The following SMAGP variants were observed in gnomAD, a reference collection of about 807,000 sequenced individuals.
The protein encoded by SMAGP is small cell transmembrane and glycosylated protein.
In SMAGP, 7 loss-of-function variants were observed where a neutral mutation model predicts 10.1. The ratio of observed to expected loss-of-function variants is 0.70; its 90% confidence interval spans 0.40 to 1.31. The LOEUF is 1.31. Among genes scored for constraint, SMAGP ranks in the 50% most tolerant of loss-of-function variants. The pLI is 0.01. For synonymous variants in SMAGP, 49 were observed against 47.2 expected (o/e 1.04, Z -0.16); for missense variants, 113 against 116.5 (o/e 0.97, Z 0.14).
At chr12:51,254,552 A>AG in intron 2 of SMAGP, among the ~76,000 whole-genome samples, 1 of 152,164 alleles carries the variant, frequency 6.6e-6, no homozygotes, top group East Asian at 2.0e-4. Flanking sequence ...ATCTAAAAAA[A>AG]AAAGTAAAAA....
At chr12:51,261,846 T>G (rs2137307821) in intron 2 of SMAGP, among the ~76,000 whole-genome samples, 1 of 151,602 alleles carries the variant, frequency 6.6e-6, no homozygotes, top group African/African-American at 2.4e-5. Flanking sequence ...GAATATGAGA[T>G]CTACAATATT....
chr12:51,248,900 CA>C (rs545881552), intron 2 of SMAGP, among the ~76,000 whole-genome samples: 3,103 of 94,298 alleles, frequency 0.033, 11 homozygotes, highest in Non-Finnish European at 0.04. Flanking sequence ...AAAAATACCA[CA>C]AAAAAAAAAA....
In SMAGP at chr12:51,245,831, G is replaced by T; in HGVS notation, c.*110C>A. 2 of 1,277,620 alleles carry T rather than the reference G, an allele frequency of 1.6e-6. No individual in the cohort carries two copies. The highest frequency in any genetic ancestry group is 2.1e-6 in the Non-Finnish European group (2 of 930,686). 79.1% of individuals were successfully genotyped at this position (1,277,620 alleles called of 1,614,324 possible). On this transcript the variant is annotated 3_prime_UTR_variant, in exon 4 of 4. Transcript: ENST00000603798. ...TGCGACCTGGCTGGAGCTTGGATTTGCCCACATCAATCAATGCTTCTCCCT... is the reference window on the plus strand; with the variant it reads ...TGCGACCTGGCTGGAGCTTGGATTTTCCCACATCAATCAATGCTTCTCCCT...
intron 2 of SMAGP, among the ~76,000 whole-genome samples, chr12:51,268,797 G>A (rs956026368): frequency 1.3e-5 from 2 of 151,882 alleles, no homozygotes; most frequent in African/African-American, 4.8e-5. Context: ...TGTTGGCCAG[G>A]CTGGTCTCAA....
intron 2 of SMAGP, among the ~76,000 whole-genome samples, chr12:51,249,913 C>T (rs941923699): frequency 1.3e-5 from 2 of 151,882 alleles, no homozygotes; most frequent in East Asian, 1.9e-4. Flanking sequence ...CACTGTGCCT[C>T]GCCTATACAT....
chr12:51,245,711 A>C lies in SMAGP; in HGVS notation c.*230T>G. ...GCCACATCTTGTTGGCCAGTCACAA[A>C]CACCAGCTCTAGTAAGAGGGCCTGG... On this transcript the variant is annotated 3_prime_UTR_variant, in exon 4 of 4. Coordinates refer to ENST00000603798, the MANE Select transcript of SMAGP (RefSeq NM_001031628.2). 2 of 482,048 alleles carry C rather than the reference A, an allele frequency of 4.1e-6. No individual in the cohort carries two copies. The highest frequency in any genetic ancestry group is 7.5e-6 in the Non-Finnish European group (2 of 268,142). The allele number at this position is 482,048 out of a possible 1,614,324, so 29.9% of individuals were successfully genotyped here.
At chr12:51,264,298 GAGACT>G (rs1443835786) in intron 2 of SMAGP, among the ~76,000 whole-genome samples, 6 of 152,162 alleles carry the variant, frequency 3.9e-5, no homozygotes, top group Non-Finnish European at 8.8e-5. Context: ...CAGTGGATAG[GAGACT>G]GTCCTAAATC....
intron 3 of SMAGP, 160 bp downstream of exon 3, chr12:51,246,591 G>T (rs1163279523): frequency 1.6e-5 from 8 of 510,290 alleles, no homozygotes; most frequent in Non-Finnish European, 2.6e-5. Context: ...AGAAGCCTCC[G>T]AGTCTTTTAT....
At position 51,245,697 on chromosome 12, in the gene SMAGP, T is replaced by A. The variant is rs1944758782; in HGVS notation, c.*244A>T. ...TGTCCCCTGGCATAGCCACATCTTG[T>A]TGGCCAGTCACAAACACCAGCTCTA... On this transcript the variant is annotated 3_prime_UTR_variant, in exon 4 of 4. Transcript: ENST00000603798. 2 of 464,114 alleles carry A rather than the reference T, an allele frequency of 4.3e-6. No homozygotes were observed. The highest frequency in any genetic ancestry group is 7.8e-6 in the Non-Finnish European group (2 of 256,566). 28.7% of individuals were successfully genotyped at this position (464,114 alleles called of 1,614,324 possible).
At chr12:51,266,993 G>A (rs1337831956) in intron 2 of SMAGP, among the ~76,000 whole-genome samples, 1 of 152,154 alleles carries the variant, frequency 6.6e-6, no homozygotes, top group Non-Finnish European at 1.5e-5. Flanking sequence ...GCGCACGCCT[G>A]TAATTCCAGC....
At chr12:51,256,790 T>TAC (rs146697645) in intron 2 of SMAGP, among the ~76,000 whole-genome samples, 4 of 147,286 alleles carry the variant, frequency 2.7e-5, no homozygotes, top group Non-Finnish European at 6.0e-5. Context: ...AAAAAAGATA[T>TAC]ATATATATAT....
At chr12:51,257,202 G>A (rs564998913) in intron 2 of SMAGP, among the ~76,000 whole-genome samples, 18 of 152,318 alleles carry the variant, frequency 1.2e-4, no homozygotes, top group African/African-American at 4.3e-4. Flanking sequence ...GAATGACCCA[G>A]ATGAGAGGCA....
intron 2 of SMAGP, among the ~76,000 whole-genome samples, chr12:51,260,213 T>C (rs921014911): frequency 1.4e-5 from 2 of 146,912 alleles, no homozygotes; most frequent in Non-Finnish European, 3.0e-5. Flanking sequence ...TTTCTTTTTT[T>C]TTTTTTTTTT....
At chr12:51,246,567 G>A in intron 3 of SMAGP, 184 bp downstream of exon 3, 1 of 478,500 alleles carries the variant, frequency 2.1e-6, no homozygotes, top group Non-Finnish European at 3.6e-6. Flanking sequence ...TCATTTACTG[G>A]TAGTGCCTCT....
At chr12:51,247,732 C>T (rs969609287) in intron 2 of SMAGP, among the ~76,000 whole-genome samples, 1 of 152,190 alleles carries the variant, frequency 6.6e-6, no homozygotes, top group Non-Finnish European at 1.5e-5. Flanking sequence ...ACCTGACTGG[C>T]ATCCCATAAA....
chr12:51,262,585 T>C (rs1315003368), intron 2 of SMAGP, among the ~76,000 whole-genome samples: 1 of 152,194 alleles, frequency 6.6e-6, no homozygotes, highest in African/African-American at 2.4e-5. Flanking sequence ...CTCCCGTTTC[T>C]ACCCCATTTT....
intron 2 of SMAGP, among the ~76,000 whole-genome samples, chr12:51,248,706 A>T (rs1412073562): frequency 1.3e-5 from 2 of 152,076 alleles, no homozygotes; most frequent in Non-Finnish European, 2.9e-5. Context: ...GAATGCTGAC[A>T]TCATGAAGCT....
chr12:51,267,727 T>C (rs1337701923), intron 2 of SMAGP, among the ~76,000 whole-genome samples: 1 of 151,980 alleles, frequency 6.6e-6, no homozygotes, highest in African/African-American at 2.4e-5. Flanking sequence ...ACTCCTGAGC[T>C]CAGTCTGCCT....
chr12:51,268,461 T>A (rs1175045011), intron 2 of SMAGP, among the ~76,000 whole-genome samples: 3 of 152,190 alleles, frequency 2.0e-5, no homozygotes, highest in Non-Finnish European at 4.4e-5. Flanking sequence ...TTTTCCACAT[T>A]TAATTACAAG....
Sources: allele counts gnomAD v4.1 joint callset (sites outside exome capture counted in the v4.1 genomes callset), GRCh38; gene constraint gnomAD v4.1.1; transcripts MANE v1.5; gene names NCBI Gene and HGNC (gene_info 2026-07-23, HGNC 2026-07-21).